The following NSUN2 variants were observed in gnomAD, a reference collection of about 807,000 sequenced individuals.
NSUN2 encodes RNA cytosine C(5)-methyltransferase NSUN2.
In NSUN2, 63 loss-of-function variants were observed where a neutral mutation model predicts 92.7. The ratio of observed to expected loss-of-function variants is 0.68; its 90% CI spans 0.56 to 0.84. NSUN2 has a LOEUF of 0.84. NSUN2 is among the 40% of genes least tolerant of loss of function. The pLI, the probability that NSUN2 is intolerant of heterozygous loss-of-function variation, is 0.00. For missense variants in NSUN2, 989 were observed against 964.9 expected (o/e 1.02, Z -0.33); for synonymous variants, 356 against 348.3 (o/e 1.02, Z -0.25).
chr5:6,600,355 A>C, intron 18 of NSUN2, 123 bp from the exon 19 acceptor site: 5 of 829,656 alleles, frequency 6.0e-6, no homozygotes, highest in Non-Finnish European at 7.3e-6. Context: ...AAACCCCCAA[A>C]ACTACTGGGA....
chr5:6,604,469 G>C (rs371377857), intron 16 of NSUN2, 136 bp downstream of exon 16: 2 of 954,432 alleles, frequency 2.1e-6, no homozygotes, highest in Non-Finnish European at 3.3e-6. Flanking sequence ...TCTATAACCT[G>C]TGAGGGTCAA....
At chr5:6,611,298 A>G in intron 10 of NSUN2, among the ~76,000 whole-genome samples, 1 of 152,198 alleles carries the variant, frequency 6.6e-6, no homozygotes, top group East Asian at 1.9e-4. Context: ...CAAAGATGAA[A>G]TACATTTATT....
intron 3 of NSUN2, among the ~76,000 whole-genome samples, chr5:6,630,957 G>A (rs752000015): frequency 6.6e-6 from 1 of 152,116 alleles, no homozygotes; most frequent in Non-Finnish European, 1.5e-5. Flanking sequence ...GGCCGGGCGT[G>A]GTGGCGGGCA....
Position 6,628,492 on chromosome 5 carries a change from T to C in NSUN2, c.360-2823A>G, listed in dbSNP as rs1387478876. On this transcript the variant is annotated intron_variant, in intron 3 of 18. Transcript: ENST00000264670. ...ATGGAAAGTAAGAAAAAAATGAAAC[T>C]GGCCCAAGCTATGGTCCTATACATA... 1.3e-4 allele frequency among the ~76,000 whole-genome samples: 20 copies of C among 152,236 alleles called. 1 individual carries two copies. The highest frequency in any genetic ancestry group is 1.3e-3 in the Admixed American group (20 of 15,286).
At chr5:6,613,523 A>G (rs1256168468) in intron 9 of NSUN2, among the ~76,000 whole-genome samples, 1 of 152,218 alleles carries the variant, frequency 6.6e-6, no homozygotes, top group Non-Finnish European at 1.5e-5. Flanking sequence ...TGATTCCAAA[A>G]TTTGAATAAA....
At chr5:6,616,538 T>C (rs1244986698) in intron 9 of NSUN2, among the ~76,000 whole-genome samples, 189 bp downstream of exon 9, 1 of 152,146 alleles carries the variant, frequency 6.6e-6, no homozygotes, top group Non-Finnish European at 1.5e-5. Context: ...GTTCAGAGTT[T>C]CAGTTTTGCA....
intron 3 of NSUN2, 111 bp from the exon 4 acceptor site, chr5:6,625,780 C>A (rs1236573035): frequency 9.7e-6 from 7 of 723,370 alleles, no homozygotes; most frequent in Non-Finnish European, 1.5e-5. Flanking sequence ...ATGTTGTTCT[C>A]CCTGCTCCTA....
intron 3 of NSUN2, among the ~76,000 whole-genome samples, chr5:6,626,515 A>G (rs1437826119): frequency 6.6e-6 from 1 of 152,126 alleles, no homozygotes; most frequent in African/African-American, 2.4e-5. Flanking sequence ...CTGGGATTAC[A>G]GACGTGTATT....
intron 9 of NSUN2, among the ~76,000 whole-genome samples, chr5:6,612,100 C>G (rs1311893394): frequency 6.6e-6 from 1 of 152,194 alleles, no homozygotes; most frequent in Admixed American, 6.5e-5. Flanking sequence ...TACTAAAAAT[C>G]ACTGAACCGT....
intron 9 of NSUN2, among the ~76,000 whole-genome samples, chr5:6,613,663 G>T (rs1046202187): frequency 1.3e-5 from 2 of 152,224 alleles, no homozygotes; most frequent in Admixed American, 1.3e-4. Context: ...CATTTTAAAG[G>T]TAAGTATCTG....
Position 6,632,649 on chromosome 5 carries a change from G to A in NSUN2, c.204C>T (p.Asp68=), listed in dbSNP as rs1737973186. The A allele has an allele frequency of 1.2e-6, 2 of 1,614,012 alleles. No individual in the cohort carries two copies. Among genetic ancestry groups the A allele is most frequent in the Non-Finnish European group, 1.7e-6 (2 of 1,180,032 alleles). Reference sequence around the variant, plus strand: ...TGGCCGGGAGCGGCTCCCTGAGAGCGTCCATGAACTGGCCCCACTCGCCCT... The same window carrying A: ...TGGCCGGGAGCGGCTCCCTGAGAGCATCCATGAACTGGCCCCACTCGCCCT... ...VPEGEWGQFM[D]ALREPLPATL... Residue 68 remains aspartate (D), a synonymous_variant, in exon 2 of 19, where the codon GAC becomes GAT. Transcript: ENST00000264670.
chr5:6,618,080 T>G, intron 7 of NSUN2, 56 bp from the exon 8 acceptor site: 1 of 1,112,474 alleles, frequency 9.0e-7, no homozygotes, highest in East Asian at 2.4e-5. Context: ...GACTGCACTT[T>G]AACAGATATG....
chr5:6,613,176 A>T (rs1037092942), intron 9 of NSUN2, among the ~76,000 whole-genome samples: 1 of 152,218 alleles, frequency 6.6e-6, no homozygotes, highest in African/African-American at 2.4e-5. Context: ...TCACTGAATG[A>T]AGTAATTCAT....
intron 7 of NSUN2, among the ~76,000 whole-genome samples, chr5:6,619,167 A>AG (rs1560980590): frequency 6.6e-6 from 1 of 152,176 alleles, no homozygotes; most frequent in Non-Finnish European, 1.5e-5. Context: ...TGCAACCTAG[A>AG]GGAAAAAAAA....
intron 10 of NSUN2, 48 bp from the exon 11 acceptor site, chr5:6,611,133 C>G (rs563081305): frequency 6.2e-7 from 1 of 1,602,198 alleles, no homozygotes; most frequent in African/African-American, 1.3e-5. Context: ...TATCCAATAC[C>G]AACAAAAATC....
At chr5:6,611,448 T>TTAAAAAAAAAAAAAAAA (rs1736984882) in intron 10 of NSUN2, among the ~76,000 whole-genome samples, 1 of 86,072 alleles carries the variant, frequency 1.2e-5, no homozygotes, top group Non-Finnish European at 2.3e-5. Context: ...CGGCCCAATT[T>TTAAAAAAAAAAAAAAAA]AAAAAAAAAA....
chr5:6,617,450 T>C (rs560943357), intron 8 of NSUN2, among the ~76,000 whole-genome samples: 1 of 152,328 alleles, frequency 6.6e-6, no homozygotes, highest in East Asian at 1.9e-4. Flanking sequence ...AAAATCCCTG[T>C]AAACAGAAAA....
chr5:6,611,772 T>G lies in NSUN2; in HGVS notation c.1048A>C (p.Asn350His), dbSNP rs764146757. 3 of 1,614,136 alleles carry G rather than the reference T, an allele frequency of 1.9e-6. No individual in the cohort carries two copies. The South Asian group carries it at 3.3e-5, about 18-fold the overall frequency. ...ATCCACTTCAGCCCTGGCAGTTCAT[T>G]AGACACATCAGCAAGCTCCAAAGCA... Reference protein sequence around the residue: ...EGALELADVSNELPGLKWMPG... With the variant: ...EGALELADVSHELPGLKWMPG... The change falls in exon 10 of 19, where the codon AAT (asparagine) becomes CAT (histidine). Residue 350 changes from asparagine (N) to histidine (H), a missense_variant. Around this residue, in one of 3 missense-constraint regions of NSUN2, gnomAD observed 626 missense variants for 602.3 expected, o/e 1.04. Transcript: ENST00000264670.
At chr5:6,605,837 G>C (rs976670819) in intron 14 of NSUN2, among the ~76,000 whole-genome samples, 2 of 148,990 alleles carry the variant, frequency 1.3e-5, no homozygotes, top group African/African-American at 4.9e-5. Flanking sequence ...TGTGATTATA[G>C]GTGCACGCCA....
Sources: allele counts gnomAD v4.1 joint callset (sites outside exome capture counted in the v4.1 genomes callset), GRCh38; gene constraint gnomAD v4.1.1; regional missense constraint gnomAD v4.1.1; transcripts MANE v1.5; gene names NCBI Gene and HGNC (gene_info 2026-07-23, HGNC 2026-07-21).